NUP58: variants seen among roughly 807,000 people sequenced by gnomAD.
NUP58 encodes the protein nucleoporin p58/p45.
A neutral mutation model predicts 70.1 loss-of-function variants in NUP58; 17 were observed. The ratio of observed to expected loss-of-function variants is 0.24; its 90% CI spans 0.17 to 0.36. NUP58 has a LOEUF of 0.36. NUP58 is among the 10% of genes least tolerant of loss of function. The probability of loss-of-function intolerance (pLI) is 1.00; values close to 1 mark genes in which losing one functional copy is unlikely to be tolerated. For missense variants in NUP58, 644 were observed against 701.5 expected (o/e 0.92, Z 0.93); for synonymous variants, 275 against 257.6 (o/e 1.07, Z -0.65).
intron 3 of NUP58, chr13:25,309,564 C>T (rs1566057715): frequency 3.1e-6 from 1 of 320,910 alleles, no homozygotes; most frequent in Non-Finnish European, 5.6e-6. Context: ...AGTCATTTGA[C>T]TCCAGTTAGT....
intron 1 of NUP58, among the ~76,000 whole-genome samples, chr13:25,307,271 G>A (rs565357363): frequency 1.4e-5 from 2 of 141,416 alleles, no homozygotes; most frequent in Non-Finnish European, 3.0e-5. Context: ...CTGGAGTGCA[G>A]TGACACTATC....
At position 25,340,928 on chromosome 13, in the gene NUP58, G is replaced by GAAAAT. The variant is rs543682681; in HGVS notation, c.*806_*810dup. 1.3e-3 allele frequency: 201 copies of GAAAAT among 152,206 alleles called. 1 individual carries two copies. The highest frequency in any genetic ancestry group is 4.6e-3 in the African/African-American group (190 of 41,504). 9.4% of individuals were successfully genotyped at this position (152,206 alleles called of 1,614,324 possible). A position where few individuals can be genotyped will look rare whatever the true frequency, so the allele number is the denominator to read the frequency against. On this transcript the variant is annotated 3_prime_UTR_variant, in exon 16 of 16. Transcript: ENST00000381736. ...AGCAAAACTCCGTCTCAAAAAAGAT[G>GAAAAT]AAAATAAAATAAAATATATATTTAC...
chr13:25,332,371 C>T, intron 13 of NUP58: 2 of 985,300 alleles, frequency 2.0e-6, no homozygotes, highest in Admixed American at 6.1e-5. Context: ...TATCTTAATC[C>T]TGCCATCCCT....
At chr13:25,315,670 C>T (rs2030895056) in intron 6 of NUP58, among the ~76,000 whole-genome samples, 2 of 77,728 alleles carry the variant, frequency 2.6e-5, no homozygotes, top group South Asian at 8.0e-4. Flanking sequence ...TCTTATCTAA[C>T]ATCAGAAGCA....
At chr13:25,316,402 GAT>G (rs2030930942) in intron 6 of NUP58, among the ~76,000 whole-genome samples, 1 of 152,072 alleles carries the variant, frequency 6.6e-6, no homozygotes, top group Admixed American at 6.6e-5. Context: ...TCTGAAGAAA[GAT>G]AAATGGATGA....
chr13:25,313,076 A>T (rs897090318), intron 4 of NUP58, 44 bp downstream of exon 4: 1 of 1,592,472 alleles, frequency 6.3e-7, no homozygotes. Context: ...GTTAAATTTC[A>T]ATTTTATCTG....
chr13:25,314,467 AG>A (rs1202650362), intron 5 of NUP58, among the ~76,000 whole-genome samples: 6 of 152,068 alleles, frequency 3.9e-5, no homozygotes, highest in Non-Finnish European at 5.9e-5. Context: ...AGGCCAAGGC[AG>A]GTGGGTCATC....
chr13:25,348,341 A>G (rs1593208137), intron 3 of NUP58, among the ~76,000 whole-genome samples: 2 of 152,356 alleles, frequency 1.3e-5, no homozygotes, highest in East Asian at 3.9e-4. Flanking sequence ...ACAGTATGAA[A>G]AATGCCAAAT....
At chr13:25,319,549 A>G (rs1442611369) in intron 7 of NUP58, among the ~76,000 whole-genome samples, 199 bp downstream of exon 7, 4 of 152,132 alleles carry the variant, frequency 2.6e-5, no homozygotes, top group African/African-American at 9.6e-5. Context: ...GTTTTTAGTC[A>G]TTAAGAAAAT....
chr13:25,306,199 A>G (rs1252224476), intron 1 of NUP58, among the ~76,000 whole-genome samples: 1 of 151,976 alleles, frequency 6.6e-6, no homozygotes, highest in Non-Finnish European at 1.5e-5. Context: ...AGGTCAGGAG[A>G]TTGAGACCAT....
In NUP58 at chr13:25,340,332, G is replaced by T; in HGVS notation, c.*198G>T. Reference sequence around the variant, plus strand: ...CTTGTGGAATTTAAAGTCCAGCTGTGTTTTCTTTTTAATTTGATTCTCAGT... The same window carrying T: ...CTTGTGGAATTTAAAGTCCAGCTGTTTTTTCTTTTTAATTTGATTCTCAGT... On this transcript the variant is annotated 3_prime_UTR_variant, in exon 16 of 16. Transcript: ENST00000381736. The T allele has an allele frequency of 6.3e-6, 3 of 477,136 alleles. No homozygotes were observed. The highest frequency in any genetic ancestry group is 4.2e-5 in the South Asian group (1 of 23,688). The allele number at this position is 477,136 out of a possible 1,614,324, so 29.6% of individuals were successfully genotyped here. A position where few individuals can be genotyped will look rare whatever the true frequency, so the allele number is the denominator to read the frequency against.
chr13:25,301,926 C>A, intron 1 of NUP58, 46 bp downstream of exon 1: 1 of 1,277,258 alleles, frequency 7.8e-7, no homozygotes, highest in African/African-American at 1.5e-5. Context: ...ACCCCCACCC[C>A]CACCCCCGCA....
At chr13:25,332,284 C>T (rs569366709) in intron 13 of NUP58, 1 of 985,408 alleles carries the variant, frequency 1.0e-6, no homozygotes. Context: ...TTTAGTTACA[C>T]TTCTAATTAG....
At position 25,341,749 on chromosome 13, in the gene NUP58, A is replaced by G. The variant is rs11619324; in HGVS notation, c.*1615A>G. 6,866 of 152,730 alleles carry G rather than the reference A, an allele frequency of 0.045. 204 individuals carry two copies. The highest frequency in any genetic ancestry group is 0.082 in the Middle Eastern group (24 of 294). The allele number at this position is 152,730 out of a possible 1,614,324, so 9.5% of individuals were successfully genotyped here. Reference sequence around the variant, plus strand: ...CGTTAGTAGACCTATTTATGATTCAATTGCAATTTTCAGATAGGATGTGAA... The same window carrying G: ...CGTTAGTAGACCTATTTATGATTCAGTTGCAATTTTCAGATAGGATGTGAA... On this transcript the variant is annotated 3_prime_UTR_variant, in exon 16 of 16. Transcript: ENST00000381736.
chr13:25,311,099 G>A (rs544318443), intron 3 of NUP58, among the ~76,000 whole-genome samples: 2 of 152,290 alleles, frequency 1.3e-5, no homozygotes, highest in African/African-American at 4.8e-5. Flanking sequence ...TACTTTATGG[G>A]CAGGAAGCAC....
At chr13:25,335,277 C>T (rs1777873891) in intron 13 of NUP58, 37 of 985,166 alleles carry the variant, frequency 3.8e-5, no homozygotes, top group Non-Finnish European at 4.5e-5. Flanking sequence ...TGTTCTGTTG[C>T]TCTTAACAAC....
chr13:25,339,993 T>C lies in NUP58; in HGVS notation c.1659T>C (p.Phe553=), dbSNP rs1444344352. The change falls in exon 16 of 16, where the codon TTT becomes TTC. Residue 553 remains phenylalanine, a synonymous_variant. Transcript: ENST00000381736. ...TTGGCAGCTCAAGTACATCTGGGTT[T>C]AACTTCAGCAATCCTGGCATCACGG... ...AGFGSSSTSG[F]NFSNPGITAS... 11 of 1,610,196 alleles carry C rather than the reference T, an allele frequency of 6.8e-6. No homozygotes were observed. Among genetic ancestry groups the C allele is most frequent in the Non-Finnish European group, 8.5e-6 (10 of 1,178,618 alleles).
intron 15 of NUP58, 88 bp downstream of exon 15, chr13:25,338,819 A>C (rs189680279): frequency 7.2e-6 from 8 of 1,106,488 alleles, no homozygotes; most frequent in African/African-American, 1.6e-5. Flanking sequence ...CCAGTAACCC[A>C]AAAAGTTCCC....
intron 6 of NUP58, among the ~76,000 whole-genome samples, chr13:25,318,563 A>G (rs1196622498): frequency 6.6e-6 from 1 of 152,224 alleles, no homozygotes; most frequent in African/African-American, 2.4e-5. Flanking sequence ...TCTTAGAAAT[A>G]TATAAGAAAA....
Sources: allele counts gnomAD v4.1 joint callset (sites outside exome capture counted in the v4.1 genomes callset), GRCh38; gene constraint gnomAD v4.1.1; transcripts MANE v1.5; gene names NCBI Gene and HGNC (gene_info 2026-07-23, HGNC 2026-07-21).